Variants in NOL10 observed in about 807,000 individuals in gnomAD.
The protein encoded by NOL10 is nucleolar protein 10.
A neutral mutation model predicts 103.5 loss-of-function variants in NOL10; 58 were observed. The observed-to-expected ratio is 0.56, with a 90% CI of 0.45 to 0.70. The LOEUF (loss-of-function observed/expected upper bound fraction) is 0.70. Among genes scored for constraint, NOL10 ranks in the 30% least tolerant of loss-of-function variants. The probability of loss-of-function intolerance (pLI) is 0.00; values close to 1 mark genes in which losing one functional copy is unlikely to be tolerated. For missense variants in NOL10, 763 were observed against 807.3 expected (o/e 0.95, Z 0.67); for synonymous variants, 287 against 282.5 (o/e 1.02, Z -0.16).
Position 10,602,893 on chromosome 2 carries a change from G to A in NOL10, c.1234-19C>T, listed in dbSNP as rs1676054438. Reference sequence around the variant, plus strand: ...GTTTCACCTTTTCAAAATGAAAAAAGTTTTTAAAATAAAAGAATGGTATTT... The same window carrying A: ...GTTTCACCTTTTCAAAATGAAAAAAATTTTTAAAATAAAAGAATGGTATTT... On this transcript the variant is annotated intron_variant, in intron 15 of 20. Transcript: ENST00000381685. 1.3e-6 allele frequency: 2 copies of A among 1,539,932 alleles called. No homozygotes were observed. Among genetic ancestry groups the A allele is most frequent in the African/African-American group, 1.4e-5 (1 of 72,350 alleles).
In NOL10 at chr2:10,667,295, G is replaced by A. The variant is rs772303567; in HGVS notation, c.531-17C>T. The stretch of plus-strand genomic sequence containing the variant: ...TTATTCTCCCTAACACAGGAAAGCA[G>A]TAAGAAAGAATGAATTAGTTAGCAC... On this transcript the variant is annotated splice_polypyrimidine_tract_variant and intron_variant, in intron 7 of 20. Transcript: ENST00000381685. The A allele has an allele frequency of 1.1e-5, 17 of 1,559,802 alleles. No individual in the cohort carries two copies. Among genetic ancestry groups the A allele is most frequent in the Admixed American group, 5.6e-5 (3 of 53,528 alleles).
intron 8 of NOL10, 133 bp from the exon 9 acceptor site, chr2:10,663,177 A>G (rs1198337477): frequency 4.8e-6 from 3 of 621,170 alleles, no homozygotes; most frequent in Admixed American, 5.5e-5. Context: ...GACTAGTCTG[A>G]CTAACATGGC....
At position 10,586,174 on chromosome 2, in the gene NOL10, A is replaced by G. The variant is rs141646692; in HGVS notation, c.1844+2869T>C. ...AGGCGTGGGGTTTCTTTTTGGGGTG[A>G]TGACAATGTTCTAAAATTAAGGTGA... On this transcript the variant is annotated intron_variant, in intron 19 of 20. Transcript: ENST00000381685. Among the ~76,000 whole-genome samples the G allele has an allele frequency of 3.5e-4, 53 of 152,380 alleles. 3 individuals are homozygous for G. The East Asian group carries it at 9.8e-3, about 28-fold the overall frequency.
chr2:10,656,764 T>G (rs1294319049), intron 11 of NOL10, among the ~76,000 whole-genome samples: 2 of 152,234 alleles, frequency 1.3e-5, no homozygotes, highest in Non-Finnish European at 2.9e-5. Context: ...AAATGGGAAT[T>G]TTTTAAAAGT....
intron 11 of NOL10, among the ~76,000 whole-genome samples, chr2:10,657,375 A>G (rs1402527583): frequency 2.0e-5 from 3 of 152,156 alleles, no homozygotes; most frequent in Non-Finnish European, 2.9e-5. Flanking sequence ...ACCAACATGC[A>G]TGGAAGGATA....
chr2:10,657,843 G>A lies in NOL10; in HGVS notation c.805C>T (p.His269Tyr). Residue 269 changes from histidine (H) to tyrosine (Y), a missense_variant, in exon 11 of 21, where the codon CAC becomes TAC. Coordinates refer to ENST00000381685, the MANE Select transcript of NOL10 (RefSeq NM_024894.4). Reference protein sequence around the residue: ...RSDKPLLVKDHQYGLPIKSVH... With the variant: ...RSDKPLLVKDYQYGLPIKSVH... The stretch of plus-strand genomic sequence containing the variant: ...GACTTAATGGGCAGCCCATACTGGT[G>A]ATCTTTAACTAGCAATGGCTTATCA... The A allele has an allele frequency of 6.5e-7, 1 of 1,549,448 alleles. No individual in the cohort carries two copies. The highest frequency in any genetic ancestry group is 8.7e-7 in the Non-Finnish European group (1 of 1,145,812).
intron 11 of NOL10, among the ~76,000 whole-genome samples, chr2:10,655,334 T>A (rs1222272957): frequency 6.6e-6 from 1 of 151,458 alleles, no homozygotes; most frequent in Admixed American, 6.6e-5. Context: ...AACAAACCAA[T>A]CAGAGGAGAG....
rs869294782 is a variant in NOL10 at position 10,638,483 on chromosome 2, C to CTTTTTTTTT, written c.1026+5828_1026+5836dup. Among the ~76,000 whole-genome samples, 110 of 77,778 alleles carry CTTTTTTTTT rather than the reference C, an allele frequency of 1.4e-3. 16 individuals carry two copies. Among genetic ancestry groups the CTTTTTTTTT allele is most frequent in the African/African-American group, 3.0e-3 (56 of 18,674 alleles). The allele number at this position is 77,778 out of a possible 152,430, so 51.0% of individuals were successfully genotyped here. A position where few individuals can be genotyped will look rare whatever the true frequency, so the allele number is the denominator to read the frequency against. On this transcript the variant is annotated intron_variant, in intron 13 of 20. Transcript: ENST00000381685. ...GCACATACCCTTATAGCTGAATTCC[C>CTTTTTTTTT]TTTTTTTTTTTTTTTTTTTTTTTTT...
intron 1 of NOL10, among the ~76,000 whole-genome samples, chr2:10,684,850 GA>G (rs1403074723): frequency 6.6e-6 from 1 of 151,792 alleles, no homozygotes; most frequent in Non-Finnish European, 1.5e-5. Context: ...TACTTTTTTA[GA>G]GACAGGGTCT....
chr2:10,607,111 T>A, intron 14 of NOL10, 74 bp downstream of exon 14: 1 of 1,021,712 alleles, frequency 9.8e-7, no homozygotes, highest in Admixed American at 2.8e-5. Context: ...CTCAGCCAAT[T>A]CTCATGTTCA....
chr2:10,680,890 A>AT (rs1386792092), intron 3 of NOL10, among the ~76,000 whole-genome samples: 3 of 152,200 alleles, frequency 2.0e-5, no homozygotes, highest in African/African-American at 2.4e-5. Flanking sequence ...ACATTTCATG[A>AT]TTTTTTGATA....
chr2:10,621,891 A>C, intron 13 of NOL10: 1 of 340,674 alleles, frequency 2.9e-6, no homozygotes, highest in Non-Finnish European at 5.9e-6. Context: ...TAATGATCTC[A>C]CTTGACTCTG....
chr2:10,581,133 C>A (rs543313782), intron 19 of NOL10, among the ~76,000 whole-genome samples: 1 of 152,154 alleles, frequency 6.6e-6, no homozygotes, highest in Non-Finnish European at 1.5e-5. Context: ...CAGGCAACCA[C>A]GAAATCTGAT....
At position 10,571,861 on chromosome 2, in the gene NOL10, C is replaced by T. The variant is rs1045596; in HGVS notation, c.*210G>A. On this transcript the variant is annotated 3_prime_UTR_variant, in exon 21 of 21. Coordinates refer to ENST00000381685, the MANE Select transcript of NOL10 (RefSeq NM_024894.4). ...TTTCCAGGGAGCAACGACTCGCAAG[C>T]ACACCCCTGGGGCTGTGCGGTGGCC... 81,012 of 444,816 alleles carry T rather than the reference C, an allele frequency of 0.18. 11,537 individuals are homozygous for T. Among genetic ancestry groups the T allele is most frequent in the African/African-American group, 0.45 (22,325 of 49,978 alleles). 27.6% of individuals were successfully genotyped at this position (444,816 alleles called of 1,614,324 possible).
intron 20 of NOL10, among the ~76,000 whole-genome samples, chr2:10,574,524 G>C (rs1057015504): frequency 6.6e-6 from 1 of 151,976 alleles, no homozygotes; most frequent in African/African-American, 2.4e-5. Context: ...GCAGCTGCCT[G>C]TAGTCCCAGC....
rs1231929836 is a variant in NOL10 at position 10,624,310 on chromosome 2, A to G, written c.1027-16999T>C. Among the ~76,000 whole-genome samples, 3 of 152,036 alleles carry G rather than the reference A, an allele frequency of 2.0e-5. No homozygotes were observed. The East Asian group carries it at 5.8e-4, about 29-fold the overall frequency. On this transcript the variant is annotated intron_variant, in intron 13 of 20. Coordinates refer to ENST00000381685, the MANE Select transcript of NOL10 (RefSeq NM_024894.4). ...AAAGGTCTCTGGTTTTCGTCGTGCCACTACACTGAAGCCTGGGCAACAGAG... is the reference window on the plus strand; with the variant it reads ...AAAGGTCTCTGGTTTTCGTCGTGCCGCTACACTGAAGCCTGGGCAACAGAG...
intron 17 of NOL10, among the ~76,000 whole-genome samples, chr2:10,596,015 T>G (rs921826420): frequency 6.6e-6 from 1 of 152,080 alleles, no homozygotes; most frequent in Non-Finnish European, 1.5e-5. Context: ...TTAAAAATAA[T>G]ATTTTGGATG....
chr2:10,689,809 T>G lies in NOL10; in HGVS notation c.53A>C (p.Lys18Thr), dbSNP rs757440327. The change falls in exon 1 of 21, where the codon AAG becomes ACG. Residue 18 changes from lysine (K) to threonine (T), a missense_variant. Lys to Thr is a moderately conservative substitution (Grantham distance 78, BLOSUM62 -1). Transcript: ENST00000381685. ...GAAGTGACTCACCTCAGGAAGGGAC[T>G]TGCCGCAGCTGAGGCTGTAAATCTT... Reference protein sequence around the residue: ...EVKIYSLSCGKSLPEWLSDRK... With the variant: ...EVKIYSLSCGTSLPEWLSDRK... 10 of 1,605,638 alleles carry G rather than the reference T, an allele frequency of 6.2e-6. No homozygotes were observed. Among genetic ancestry groups the G allele is most frequent in the South Asian group, 2.2e-5 (2 of 89,190 alleles).
At chr2:10,624,147 A>G (rs1417260918) in intron 13 of NOL10, among the ~76,000 whole-genome samples, 34 of 149,004 alleles carry the variant, frequency 2.3e-4, no homozygotes. Flanking sequence ...TGGGAAGGTA[A>G]TTTCTTTCTC....
Sources: gnomAD v4.1 joint callset for allele counts (sites outside exome capture counted in the v4.1 genomes callset) on GRCh38, gnomAD v4.1.1 for gene constraint, MANE v1.5 for transcripts, NCBI Gene and HGNC (gene_info 2026-07-23, HGNC 2026-07-21) for gene names.